The following PARD3B variants were observed in gnomAD, a reference collection of about 807,000 sequenced individuals.
PARD3B encodes the protein par-3 family cell polarity regulator beta, also known as partitioning defective 3 homolog B.
PARD3B carries 103 observed loss-of-function variants against 130.2 expected under a neutral mutation model. That is an observed-to-expected ratio of 0.79 (90% CI 0.67 to 0.93). The LOEUF (loss-of-function observed/expected upper bound fraction) is 0.93, where lower values mean the gene tolerates loss of function less well. Ranked by LOEUF, PARD3B falls within the 40% of genes least tolerant of loss-of-function variation. The pLI, the probability that PARD3B is intolerant of heterozygous loss-of-function variation, is 0.00. For synonymous variants in PARD3B, 583 were observed against 553.2 expected (o/e 1.05, Z -0.76); for missense variants, 1,609 against 1,499.2 (o/e 1.07, Z -1.21).
chr2:205,137,477 C>A (rs1055193041), intron 10 of PARD3B, among the ~76,000 whole-genome samples: 1 of 152,274 alleles, frequency 6.6e-6, no homozygotes, highest in African/African-American at 2.4e-5. Flanking sequence ...TTTTTAAAAA[C>A]CCATCAGATG....
chr2:205,522,543 T>C (rs1487642092), intron 21 of PARD3B, among the ~76,000 whole-genome samples: 3 of 151,764 alleles, frequency 2.0e-5, no homozygotes, highest in African/African-American at 7.3e-5. Context: ...GATTTTTCTG[T>C]AAATATGTAT....
At chr2:204,970,577 C>A (rs1282438833) in intron 3 of PARD3B, among the ~76,000 whole-genome samples, 7 of 152,152 alleles carry the variant, frequency 4.6e-5, no homozygotes, top group Admixed American at 3.9e-4. Flanking sequence ...TGCCAATTTC[C>A]CTGCTATGGC....
intron 15 of PARD3B, among the ~76,000 whole-genome samples, chr2:205,238,835 C>CAAAAAAAAA (rs71879579): frequency 7.7e-5 from 2 of 26,094 alleles, no homozygotes; most frequent in African/African-American, 3.4e-4. Context: ...AACTCCGTTT[C>CAAAAAAAAA]AAAAAAAAAA....
At chr2:205,523,209 A>ATG (rs36030743) in intron 21 of PARD3B, among the ~76,000 whole-genome samples, 56,215 of 140,960 alleles carry the variant, frequency 0.4, 13,091 homozygotes, top group Middle Eastern at 0.59. Context: ...CGTGTACTAT[A>ATG]TGTGTGTGTG....
rs61530157 is a variant in PARD3B, at chr2:205,057,569, G to A, written c.504+9879G>A. ...TGTGTATATGTATATATACATATAT[G>A]TATATGTGTATGTGTATACGTATAT... On this transcript the variant is annotated intron_variant, in intron 4 of 22. Transcript: ENST00000406610. Among the ~76,000 whole-genome samples the A allele has an allele frequency of 2.1e-3, 278 of 130,060 alleles. 33 individuals carry two copies. Among genetic ancestry groups the A allele is most frequent in the Admixed American group, 0.013 (153 of 12,100 alleles). The allele number at this position is 130,060 out of a possible 152,430, so 85.3% of individuals were successfully genotyped here. A position where few individuals can be genotyped will look rare whatever the true frequency, so the allele number is the denominator to read the frequency against.
intron 2 of PARD3B, among the ~76,000 whole-genome samples, chr2:204,914,156 G>C (rs2047353211): frequency 6.6e-6 from 1 of 152,188 alleles, no homozygotes; most frequent in Non-Finnish European, 1.5e-5. Context: ...GGCCTCTCCT[G>C]ATCCGGGATG....
rs564012487 is a variant in PARD3B, at chr2:205,046,857, A to G, written c.395-724A>G. Reference sequence around the variant, plus strand: ...TTATTTTAGGCCTAATTGCAGTCAGAGCGGTTAGGCCGCTGGCTCTGCTAA... The same window carrying G: ...TTATTTTAGGCCTAATTGCAGTCAGGGCGGTTAGGCCGCTGGCTCTGCTAA... On this transcript the variant is annotated intron_variant, in intron 3 of 22. Transcript: ENST00000406610. Among the ~76,000 whole-genome samples, 8 of 152,350 alleles carry G rather than the reference A, an allele frequency of 5.3e-5. No homozygotes were observed. The South Asian group carries it at 8.3e-4, about 16-fold the overall frequency.
chr2:204,828,842 G>T (rs1363987801), intron 2 of PARD3B, among the ~76,000 whole-genome samples: 2 of 152,118 alleles, frequency 1.3e-5, no homozygotes, highest in Non-Finnish European at 2.9e-5. Context: ...TGTCTGCAGG[G>T]TCAAATTGAA....
intron 18 of PARD3B, among the ~76,000 whole-genome samples, chr2:205,362,333 A>C (rs1200657940): frequency 6.6e-6 from 1 of 152,180 alleles, no homozygotes; most frequent in Non-Finnish European, 1.5e-5. Context: ...TCTGTTGTTC[A>C]ATCATAGCTT....
intron 13 of PARD3B, among the ~76,000 whole-genome samples, chr2:205,177,864 C>T (rs1363321740): frequency 1.3e-5 from 2 of 152,054 alleles, no homozygotes; most frequent in Non-Finnish European, 2.9e-5. Flanking sequence ...ATAATTTACT[C>T]ACAAATGCAT....
intron 1 of PARD3B, among the ~76,000 whole-genome samples, chr2:204,561,638 C>T (rs2031316352): frequency 6.6e-6 from 1 of 150,844 alleles, no homozygotes; most frequent in Admixed American, 6.6e-5. Context: ...TCTTGTCACC[C>T]AGGTTGGAGT....
chr2:204,813,290 C>G (rs1196552233), intron 2 of PARD3B, among the ~76,000 whole-genome samples: 1 of 152,010 alleles, frequency 6.6e-6, no homozygotes, highest in Non-Finnish European at 1.5e-5. Context: ...TAACGTTGAG[C>G]CTCTTTTTAT....
At chr2:204,688,722 T>A (rs2037210107) in intron 2 of PARD3B, among the ~76,000 whole-genome samples, 1 of 152,158 alleles carries the variant, frequency 6.6e-6, no homozygotes, top group African/African-American at 2.4e-5. Flanking sequence ...TTTTGGCAGT[T>A]TAGATTAAGA....
At chr2:205,432,287 C>T (rs536241137) in intron 19 of PARD3B, among the ~76,000 whole-genome samples, 32 of 152,302 alleles carry the variant, frequency 2.1e-4, no homozygotes, top group African/African-American at 7.0e-4. Context: ...CCAGAAATGC[C>T]CACTTCACTC....
chr2:205,463,438 T>TAAAA lies in PARD3B; in HGVS notation c.3044+22784_3044+22787dup, dbSNP rs35556760. Among the ~76,000 whole-genome samples, 1 of 121,562 alleles carries TAAAA rather than the reference T, an allele frequency of 8.2e-6. No individual in the cohort carries two copies. The allele number at this position is 121,562 out of a possible 152,430, so 79.7% of individuals were successfully genotyped here. A position where few individuals can be genotyped will look rare whatever the true frequency, so the allele number is the denominator to read the frequency against. ...AACATTTCACTGCACATTAATTCTTTAAAAAAAAAAAAAAAAAAAAACCTG... is the reference window on the plus strand; with the variant it reads ...AACATTTCACTGCACATTAATTCTTTAAAAAAAAAAAAAAAAAAAAAAAAACCTG... On this transcript the variant is annotated intron_variant, in intron 20 of 22. Coordinates refer to ENST00000406610, the MANE Select transcript of PARD3B (RefSeq NM_001302769.2). The surrounding 1 kb of genome is among the most constrained non-coding windows in gnomAD (Gnocchi z 4.8).
Position 205,146,454 on chromosome 2 carries a change from C to A in PARD3B, c.1435-12268C>A, listed in dbSNP as rs924750993. ...CATGAGGTCAGGAGATCGAGACCAT[C>A]CTGGCTAACACGGCAAAACCCCGTC... On this transcript the variant is annotated intron_variant, in intron 10 of 22. Coordinates refer to ENST00000406610, the MANE Select transcript of PARD3B (RefSeq NM_001302769.2). The surrounding 1 kb of genome is among the most constrained non-coding windows in gnomAD (Gnocchi z 4.3). 5.9e-5 allele frequency among the ~76,000 whole-genome samples: 9 copies of A among 151,910 alleles called. No individual in the cohort carries two copies. The highest frequency in any genetic ancestry group is 1.0e-4 in the Non-Finnish European group (7 of 68,002).
intron 2 of PARD3B, among the ~76,000 whole-genome samples, chr2:204,749,788 G>A (rs1185551646): frequency 6.6e-6 from 1 of 152,150 alleles, no homozygotes; most frequent in Non-Finnish European, 1.5e-5. Flanking sequence ...GGTAAAGGAA[G>A]TTTCAGAACA....
chr2:204,671,662 C>T (rs10174665), intron 1 of PARD3B, among the ~76,000 whole-genome samples: 5,113 of 152,076 alleles, frequency 0.034, 275 homozygotes, highest in African/African-American at 0.12. Flanking sequence ...TCTTAATTTC[C>T]TTGTTTGGGG....
At chr2:205,296,595 T>C (rs549817584) in intron 16 of PARD3B, among the ~76,000 whole-genome samples, 28 of 152,216 alleles carry the variant, frequency 1.8e-4, no homozygotes, top group African/African-American at 6.5e-4. Context: ...ACCCTTTTTA[T>C]GCCTACAGGA....
Sources: allele counts gnomAD v4.1 joint callset (sites outside exome capture counted in the v4.1 genomes callset), GRCh38; gene constraint gnomAD v4.1.1; non-coding constraint Gnocchi (gnomAD v3.1); transcripts MANE v1.5; gene names NCBI Gene and HGNC (gene_info 2026-07-23, HGNC 2026-07-21).